The following TCF12 variants were observed in gnomAD, a reference collection of about 807,000 sequenced individuals.
TCF12 encodes DNA-binding protein HTF4.
TCF12 carries 45 observed loss-of-function variants against 86.0 expected under a neutral mutation model. The observed-to-expected ratio is 0.52, with a 90% confidence interval of 0.41 to 0.67. The LOEUF (loss-of-function observed/expected upper bound fraction) is 0.67, where lower values mean the gene tolerates loss of function less well. Among genes scored for constraint, TCF12 ranks in the 30% least tolerant of loss-of-function variants. The probability of loss-of-function intolerance (pLI) is 0.00; values close to 1 mark genes in which losing one functional copy is unlikely to be tolerated. For synonymous variants in TCF12, 330 were observed against 299.6 expected, an observed-to-expected ratio of 1.10 and a Z score of -1.05; for missense variants, 881 against 859.9, an observed-to-expected ratio of 1.02 and a Z score of -0.31.
chr15:57,125,877 C>T (rs993925044), intron 5 of TCF12, among the ~76,000 whole-genome samples: 1 of 152,110 alleles, frequency 6.6e-6, no homozygotes, highest in Non-Finnish European at 1.5e-5. Context: ...CTAGTAACTC[C>T]AGTGAATATG....
chr15:56,918,392 G>A (rs978612369), upstream of TCF12: 3 of 369,290 alleles, frequency 8.1e-6, no homozygotes, highest in East Asian at 2.4e-4. Flanking sequence ...GCCCGGACGA[G>A]GCTTCGTCGG....
intron 3 of TCF12, among the ~76,000 whole-genome samples, chr15:56,928,697 A>G (rs1317037112): frequency 6.6e-6 from 1 of 152,214 alleles, no homozygotes; most frequent in African/African-American, 2.4e-5. Context: ...AATAATGAAG[A>G]GAATGTGTAC....
chr15:57,032,143 G>A lies in TCF12; in HGVS notation c.149-31607G>A, dbSNP rs552764667. 2.0e-5 allele frequency among the ~76,000 whole-genome samples: 3 copies of A among 152,280 alleles called. No homozygotes were observed. In the South Asian group the frequency reaches 6.2e-4, roughly 32 times the overall value. ...AAGAGACCTCGTGAAGTCGTATACA[G>A]ACACCTTGGGCTCATGAATCTGATC... On this transcript the variant is annotated intron_variant, in intron 3 of 20. Coordinates refer to ENST00000333725, the MANE Select transcript of TCF12 (RefSeq NM_207037.2).
intron 1 of TCF12, 183 bp downstream of exon 1, chr15:56,919,089 G>C (rs1471308285): frequency 1.3e-5 from 2 of 151,818 alleles, no homozygotes; most frequent in African/African-American, 4.8e-5. Context: ...GGAGGCTCGA[G>C]TCGCGGGCGC....
intron 3 of TCF12, among the ~76,000 whole-genome samples, chr15:57,059,331 C>A (rs1298615611): frequency 2.6e-5 from 4 of 152,136 alleles, no homozygotes; most frequent in African/African-American, 9.7e-5. Context: ...ATTTATGATA[C>A]CCTAGCAGTA....
intron 5 of TCF12, among the ~76,000 whole-genome samples, chr15:57,117,829 T>G (rs1372449698): frequency 6.6e-6 from 1 of 152,232 alleles, no homozygotes; most frequent in Non-Finnish European, 1.5e-5. Context: ...CCATAGTGGT[T>G]TTATAGACTA....
chr15:57,029,303 C>T (rs2066006735), intron 3 of TCF12, among the ~76,000 whole-genome samples: 1 of 151,904 alleles, frequency 6.6e-6, no homozygotes, highest in Non-Finnish European at 1.5e-5. Context: ...TATTTCTGTA[C>T]TCTCTATTCT....
chr15:57,192,490 G>C (rs1001866537), intron 7 of TCF12, among the ~76,000 whole-genome samples, 197 bp downstream of exon 7: 1 of 152,004 alleles, frequency 6.6e-6, no homozygotes, highest in Admixed American at 6.6e-5. Flanking sequence ...CTGTGCTCAA[G>C]CCGTCCTCCC....
chr15:57,166,627 G>T (rs1171698110), intron 6 of TCF12, among the ~76,000 whole-genome samples, 161 bp downstream of exon 6: 1 of 152,084 alleles, frequency 6.6e-6, no homozygotes, highest in African/African-American at 2.4e-5. Flanking sequence ...AATTGTTTCA[G>T]TTCCCCAGTT....
At chr15:57,242,920 A>G (rs1335446701) in intron 12 of TCF12, among the ~76,000 whole-genome samples, 1 of 152,226 alleles carries the variant, frequency 6.6e-6, no homozygotes, top group Non-Finnish European at 1.5e-5. Flanking sequence ...GTATCTTCTG[A>G]GAATAAGTTT....
At chr15:57,192,498 C>T (rs1211170645) in intron 7 of TCF12, among the ~76,000 whole-genome samples, 1 of 152,182 alleles carries the variant, frequency 6.6e-6, no homozygotes, top group African/African-American at 2.4e-5. Context: ...AAGCCGTCCT[C>T]CCACCTCAGC....
chr15:56,919,121 T>A (rs1250865945), intron 1 of TCF12: 4 of 150,968 alleles, frequency 2.6e-5, no homozygotes, highest in Admixed American at 2.0e-4. Flanking sequence ...GGCGGCGCGC[T>A]CGGCCTGTGC....
chr15:57,108,602 G>C (rs1264585512), intron 5 of TCF12, among the ~76,000 whole-genome samples: 5 of 151,954 alleles, frequency 3.3e-5, no homozygotes, highest in Non-Finnish European at 5.9e-5. Flanking sequence ...TGGTCCCCAG[G>C]GTTGGGTGTT....
At chr15:56,922,811 AT>A (rs1461199007) in intron 3 of TCF12, among the ~76,000 whole-genome samples, 1 of 151,628 alleles carries the variant, frequency 6.6e-6, no homozygotes, top group Non-Finnish European at 1.5e-5. Context: ...ATGCCATGTG[AT>A]TTTTTTTCAA....
At position 57,075,804 on chromosome 15, in the gene TCF12, T is replaced by TCTCTCTCTCTCTC. The variant is rs1567370603; in HGVS notation, c.222+11981_222+11982insCTCTCTCTCTCTC. On this transcript the variant is annotated intron_variant, in intron 4 of 20. Coordinates refer to ENST00000333725, the MANE Select transcript of TCF12 (RefSeq NM_207037.2). ...TTTCTTTCTTTCTTTCTTTCTTTCTTTCTCTCTCTCTCTCTCTCTCTCTCT... is the reference window on the plus strand; with the variant it reads ...TTTCTTTCTTTCTTTCTTTCTTTCTTCTCTCTCTCTCTCTCTCTCTCTCTCTCTCTCTCTCTCT... Among the ~76,000 whole-genome samples the TCTCTCTCTCTCTC allele has an allele frequency of 2.9e-3, 82 of 28,592 alleles. 1 individual carries two copies. Among genetic ancestry groups the TCTCTCTCTCTCTC allele is most frequent in the Non-Finnish European group, 3.3e-3 (52 of 15,556 alleles). The allele number at this position is 28,592 out of a possible 152,430, so 18.8% of individuals were successfully genotyped here.
intron 19 of TCF12, among the ~76,000 whole-genome samples, chr15:57,278,827 CTT>C: frequency 6.7e-6 from 1 of 149,028 alleles, no homozygotes. Flanking sequence ...CTTTTTCTTT[CTT>C]TCTCTTTCTC....
intron 6 of TCF12, among the ~76,000 whole-genome samples, chr15:57,183,814 T>C (rs1035517831): frequency 2.6e-5 from 4 of 152,166 alleles, no homozygotes; most frequent in African/African-American, 9.7e-5. Flanking sequence ...GACTCATTAA[T>C]GTTAGATAAT....
At chr15:56,994,021 T>C (rs1458931540) in intron 3 of TCF12, among the ~76,000 whole-genome samples, 5 of 152,060 alleles carry the variant, frequency 3.3e-5, no homozygotes, top group African/African-American at 1.2e-4. Flanking sequence ...TTGAAATGTA[T>C]GAAAAAGTCT....
intron 4 of TCF12, among the ~76,000 whole-genome samples, chr15:57,075,811 T>TCC: frequency 1.5e-5 from 1 of 67,014 alleles, no homozygotes; most frequent in Non-Finnish European, 3.0e-5. Flanking sequence ...TCTTTCTCTC[T>TCC]CTCTCTCTCT....
Sources: allele counts gnomAD v4.1 joint callset (sites outside exome capture counted in the v4.1 genomes callset), GRCh38; gene constraint gnomAD v4.1.1; transcripts MANE v1.5; gene names NCBI Gene and HGNC (gene_info 2026-07-23, HGNC 2026-07-21).